ANXA3: variants seen among roughly 807,000 people sequenced by gnomAD.
ANXA3 encodes 35-alpha calcimedin.
ANXA3 carries 46 observed loss-of-function variants against 48.8 expected under a neutral mutation model. That is an observed-to-expected ratio of 0.94 (90% CI 0.74 to 1.21). ANXA3 has a LOEUF of 1.21. ANXA3 is among the 50% of genes most tolerant of loss of function. ANXA3 has a pLI of 0.00. For synonymous variants in ANXA3, 128 were observed against 134.7 expected (o/e 0.95, Z 0.35); for missense variants, 383 against 378.6 (o/e 1.01, Z -0.10).
intron 4 of ANXA3, among the ~76,000 whole-genome samples, chr4:78,581,393 G>A (rs935656116): frequency 2.6e-5 from 4 of 152,190 alleles, no homozygotes; most frequent in Non-Finnish European, 5.9e-5. Flanking sequence ...AATATCAATA[G>A]GTAATGTCTG....
chr4:78,608,601 A>G (rs1409004332), intron 12 of ANXA3, among the ~76,000 whole-genome samples: 1 of 152,162 alleles, frequency 6.6e-6, no homozygotes, highest in African/African-American at 2.4e-5. Context: ...TTGAAACTTA[A>G]GGGACTTGGT....
intron 8 of ANXA3, 149 bp from the exon 9 acceptor site, chr4:78,595,645 A>G: frequency 8.0e-6 from 6 of 746,754 alleles, no homozygotes; most frequent in Non-Finnish European, 1.1e-5. Flanking sequence ...GGCTCCTGAC[A>G]GCCCAATTTT....
At chr4:78,568,303 T>C (rs951788344) in intron 2 of ANXA3, among the ~76,000 whole-genome samples, 3 of 152,226 alleles carry the variant, frequency 2.0e-5, no homozygotes, top group African/African-American at 7.2e-5. Flanking sequence ...CCAAGTTTGA[T>C]TGCTTTATTT....
At chr4:78,589,398 C>T (rs550779858) in intron 6 of ANXA3, among the ~76,000 whole-genome samples, 20 of 152,300 alleles carry the variant, frequency 1.3e-4, no homozygotes, top group Non-Finnish European at 2.5e-4. Context: ...AGGAAATTGT[C>T]TCAATCATGC....
chr4:78,595,731 C>T, intron 8 of ANXA3, 63 bp from the exon 9 acceptor site: 1 of 1,029,270 alleles, frequency 9.7e-7, no homozygotes, highest in Non-Finnish European at 1.5e-6. Flanking sequence ...AACTCCGATT[C>T]TTCTCATGTC....
intron 2 of ANXA3, among the ~76,000 whole-genome samples, chr4:78,557,686 TTTC>T (rs1015254722): frequency 4.7e-5 from 3 of 64,408 alleles, no homozygotes; most frequent in African/African-American, 1.2e-4. Context: ...TCTCTGGGTT[TTTC>T]TTTTTTTTTT....
intron 12 of ANXA3, 107 bp downstream of exon 12, chr4:78,604,506 C>T (rs1048248246): frequency 4.7e-5 from 44 of 940,158 alleles, no homozygotes; most frequent in Non-Finnish European, 6.3e-5. Flanking sequence ...ATTTCTCTCT[C>T]CTTGTCAATG....
At chr4:78,566,079 ATCCT>A (rs1722723974) in intron 2 of ANXA3, among the ~76,000 whole-genome samples, 1 of 152,232 alleles carries the variant, frequency 6.6e-6, no homozygotes, top group South Asian at 2.1e-4. Context: ...AGGTGAGTGC[ATCCT>A]GGAGAGGCGG....
At chr4:78,597,750 C>T (rs1723451050) in intron 10 of ANXA3, among the ~76,000 whole-genome samples, 1 of 151,900 alleles carries the variant, frequency 6.6e-6, no homozygotes, top group African/African-American at 2.4e-5. Context: ...GTAGCTGAGA[C>T]AACAAGCATG....
At chr4:78,597,093 G>A in intron 9 of ANXA3, 1 of 425,254 alleles carries the variant, frequency 2.4e-6, no homozygotes, top group Non-Finnish European at 4.2e-6. Flanking sequence ...AAGAGAAAGA[G>A]AGATCATTGA....
At chr4:78,604,569 T>C (rs1430014557) in intron 12 of ANXA3, among the ~76,000 whole-genome samples, 170 bp downstream of exon 12, 2 of 152,200 alleles carry the variant, frequency 1.3e-5, no homozygotes. Flanking sequence ...TCCCTTATTT[T>C]CAGCTCTAAA....
At chr4:78,583,626 AAAGAAGAAGAAG>A (rs910715213) in intron 5 of ANXA3, among the ~76,000 whole-genome samples, 3 of 150,766 alleles carry the variant, frequency 2.0e-5, no homozygotes, top group South Asian at 4.2e-4. Context: ...AAAAAAAAAA[AAAGAAGAAGAAG>A]AAGAAGAAAG....
chr4:78,577,171 A>T (rs1017508603), intron 3 of ANXA3, among the ~76,000 whole-genome samples: 1 of 152,206 alleles, frequency 6.6e-6, no homozygotes, highest in African/African-American at 2.4e-5. Context: ...TGGGAGTCAC[A>T]TTAGGAGGTG....
chr4:78,554,611 C>A (rs1263733690), intron 2 of ANXA3, 123 bp downstream of exon 2: 3 of 783,372 alleles, frequency 3.8e-6, no homozygotes, highest in African/African-American at 3.5e-5. Flanking sequence ...AATTAACATG[C>A]TAGAAAAGCC....
intron 7 of ANXA3, among the ~76,000 whole-genome samples, chr4:78,592,339 A>C (rs1463311825): frequency 6.6e-6 from 1 of 152,186 alleles, no homozygotes; most frequent in Non-Finnish European, 1.5e-5. Context: ...ATGTGAGAAA[A>C]TCCCAACAAC....
intron 3 of ANXA3, 100 bp from the exon 4 acceptor site, chr4:78,578,927 C>T: frequency 5.9e-6 from 3 of 508,746 alleles, no homozygotes; most frequent in Non-Finnish European, 1.1e-5. Context: ...ATTAAAATGC[C>T]TTACTCTCTG....
chr4:78,555,053 A>T (rs1001110443), intron 2 of ANXA3, among the ~76,000 whole-genome samples: 1 of 152,160 alleles, frequency 6.6e-6, no homozygotes, highest in Non-Finnish European at 1.5e-5. Flanking sequence ...TAGAAATACA[A>T]AAATAGCCCG....
rs1723082636 is a variant in ANXA3 at position 78,582,092 on chromosome 4, T to C, written c.199-85T>C. The C allele has an allele frequency of 3.9e-6, 3 of 770,856 alleles. No individual in the cohort carries two copies. In the East Asian group the frequency reaches 7.6e-5, roughly 20 times the overall value. The allele number at this position is 770,856 out of a possible 1,614,324, so 47.8% of individuals were successfully genotyped here. A position where few individuals can be genotyped will look rare whatever the true frequency, so the allele number is the denominator to read the frequency against. ...ATGGACATGTTTTGTCTGATTTTGA[T>C]ACATATGTTCATCTTTCACTAGGTG... On this transcript the variant is annotated intron_variant, in intron 4 of 12. Transcript: ENST00000264908.
At chr4:78,562,401 C>T (rs1315834414) in intron 2 of ANXA3, among the ~76,000 whole-genome samples, 1 of 152,152 alleles carries the variant, frequency 6.6e-6, no homozygotes, top group Non-Finnish European at 1.5e-5. Flanking sequence ...CACGTAGGTT[C>T]TGGAGGCATG....
Sources: allele counts gnomAD v4.1 joint callset (sites outside exome capture counted in the v4.1 genomes callset), GRCh38; gene constraint gnomAD v4.1.1; transcripts MANE v1.5; gene names NCBI Gene and HGNC (gene_info 2026-07-23, HGNC 2026-07-21).